Variants in GLRA2 observed in about 807,000 individuals in gnomAD.
GLRA2 encodes glycine receptor subunit alpha-2.
A neutral mutation model predicts 31.6 loss-of-function variants in GLRA2; 11 were observed. The ratio of observed to expected loss-of-function variants is 0.35; its 90% CI spans 0.22 to 0.58. GLRA2 has a LOEUF of 0.58. Ranked by LOEUF, GLRA2 falls within the 20% of genes least tolerant of loss-of-function variation. The probability of loss-of-function intolerance (pLI) is 0.84; values close to 1 mark genes in which losing one functional copy is unlikely to be tolerated. For synonymous variants in GLRA2, 132 were observed against 134.0 expected (o/e 0.99, Z 0.10); for missense variants, 212 against 351.8 (o/e 0.60, Z 3.18).
At chrX:14,519,955 A>G in the GLRA2 span, among the ~76,000 whole-genome samples, 13 of 112,401 alleles carry the variant, frequency 1.2e-4, no homozygotes, top group African/African-American at 4.2e-4. Flanking sequence ...CATCTATATT[A>G]TGCTTCAAAA....
the GLRA2 span, among the ~76,000 whole-genome samples, chrX:14,494,407 C>T: frequency 4.3e-4 from 48 of 112,023 alleles, no homozygotes; most frequent in Admixed American, 1.4e-3. Flanking sequence ...GGATTTTCTG[C>T]CTCAAAAATA....
At chrX:14,461,954 T>G in the GLRA2 span, among the ~76,000 whole-genome samples, 1 of 112,443 alleles carries the variant, frequency 8.9e-6, no homozygotes, top group African/African-American at 3.2e-5. Flanking sequence ...TGATGGTCTT[T>G]ACAATGTGGC....
chrX:14,610,021 A>G (rs1240029163), intron 7 of GLRA2, among the ~76,000 whole-genome samples: 1 of 112,152 alleles, frequency 8.9e-6, no homozygotes, highest in African/African-American at 3.2e-5. Flanking sequence ...ATGCTCTAGC[A>G]CCCCAGAAGT....
the GLRA2 span, among the ~76,000 whole-genome samples, chrX:14,497,235 G>A: frequency 1.8e-5 from 2 of 111,671 alleles, no homozygotes; most frequent in African/African-American, 6.5e-5. Flanking sequence ...GGTTGATGAG[G>A]GGTCAAGATA....
At chrX:14,554,239 A>C (rs866161083) in intron 2 of GLRA2, among the ~76,000 whole-genome samples, 10 of 111,742 alleles carry the variant, frequency 8.9e-5, no homozygotes, top group African/African-American at 2.9e-4. Context: ...AGAGAAGAGT[A>C]CATTATCGGA....
intron 7 of GLRA2, among the ~76,000 whole-genome samples, chrX:14,655,456 C>T (rs540417103): frequency 9.0e-5 from 10 of 111,256 alleles, no homozygotes; most frequent in African/African-American, 2.9e-4. Flanking sequence ...TTCAGCCACT[C>T]CTGAATTACT....
intron 2 of GLRA2, among the ~76,000 whole-genome samples, chrX:14,564,194 C>A (rs1360756847): frequency 9.0e-6 from 1 of 110,636 alleles, no homozygotes; most frequent in African/African-American, 3.3e-5. Context: ...ACAATGAGGA[C>A]ACTGTAATAA....
At chrX:14,612,637 T>C (rs909440920) in intron 7 of GLRA2, among the ~76,000 whole-genome samples, 6 of 111,365 alleles carry the variant, frequency 5.4e-5, no homozygotes, top group African/African-American at 2.0e-4. Context: ...TGGAATACTA[T>C]GCAGCCATGA....
At chrX:14,514,482 T>G in the GLRA2 span, among the ~76,000 whole-genome samples, 1 of 111,566 alleles carries the variant, frequency 9.0e-6, no homozygotes, top group African/African-American at 3.3e-5. Context: ...GAGCTTAAAT[T>G]GCTGAAGACA....
chrX:14,650,543 C>T (rs771824314), intron 7 of GLRA2, among the ~76,000 whole-genome samples: 2 of 111,172 alleles, frequency 1.8e-5, no homozygotes, highest in South Asian at 7.6e-4. Flanking sequence ...CTTCCAGCCT[C>T]CTCTCTAACA....
At chrX:14,552,649 T>G (rs931298236) in intron 2 of GLRA2, among the ~76,000 whole-genome samples, 1 of 111,782 alleles carries the variant, frequency 8.9e-6, no homozygotes, top group African/African-American at 3.3e-5. Flanking sequence ...ATGAATGTTT[T>G]GAGAGGTATG....
chrX:14,681,818 G>C (rs1301234412), intron 7 of GLRA2, among the ~76,000 whole-genome samples: 1 of 97,416 alleles, frequency 1.0e-5, no homozygotes, highest in African/African-American at 3.7e-5. Flanking sequence ...TTTGATCCTG[G>C]GAGGCAGAGG....
chrX:14,681,775 C>G (rs2091204530), intron 7 of GLRA2, among the ~76,000 whole-genome samples: 1 of 101,730 alleles, frequency 9.8e-6, no homozygotes, highest in Admixed American at 1.1e-4. Flanking sequence ...GCCTGTAATC[C>G]CAGTTACTCG....
chrX:14,660,426 T>C lies in GLRA2; in HGVS notation c.931-30284T>C, dbSNP rs190548883. 5.6e-3 allele frequency among the ~76,000 whole-genome samples: 628 copies of C among 111,789 alleles called. 3 individuals carry two copies. Among genetic ancestry groups the C allele is most frequent in the Middle Eastern group, 0.042 (9 of 216 alleles). ...CAAAGTAATTATGGTGGATGGACCA[T>C]GTAGGTCCTTGTTGACCACTGAAAG... On this transcript the variant is annotated intron_variant, in intron 7 of 8. Transcript: ENST00000218075.
intron 2 of GLRA2, among the ~76,000 whole-genome samples, chrX:14,555,632 T>C (rs962387076): frequency 8.9e-6 from 1 of 112,322 alleles, no homozygotes; most frequent in African/African-American, 3.2e-5. Context: ...TTTCTCATTC[T>C]GTTGAGTGCT....
At chrX:14,574,235 T>C (rs1482619624) in intron 2 of GLRA2, 98 bp from the exon 3 acceptor site, 4 of 570,467 alleles carry the variant, frequency 7.0e-6, no homozygotes, top group Non-Finnish European at 1.2e-5. Flanking sequence ...CTCACCATCA[T>C]TTTAATTGTA....
chrX:14,574,592 G>A, intron 3 of GLRA2, 192 bp downstream of exon 3: 3 of 1,014,780 alleles, frequency 3.0e-6, no homozygotes, highest in Non-Finnish European at 4.2e-6. Flanking sequence ...GCCATCGTGT[G>A]AAGGAATGGG....
chrX:14,523,052 C>T, the GLRA2 span, among the ~76,000 whole-genome samples: 1 of 112,189 alleles, frequency 8.9e-6, no homozygotes, highest in Non-Finnish European at 1.9e-5. Flanking sequence ...GCATCTACTT[C>T]CAATAGAAGG....
At chrX:14,555,482 C>G (rs2089629833) in intron 2 of GLRA2, among the ~76,000 whole-genome samples, 1 of 111,488 alleles carries the variant, frequency 9.0e-6, no homozygotes, top group Non-Finnish European at 1.9e-5. Context: ...CCATACTGTA[C>G]TGGTAAAGGA....
Sources: gnomAD v4.1 joint callset for allele counts (sites outside exome capture counted in the v4.1 genomes callset) on GRCh38, gnomAD v4.1.1 for gene constraint, MANE v1.5 for transcripts, NCBI Gene and HGNC (gene_info 2026-07-23, HGNC 2026-07-21) for gene names.